CIMAP3: variants seen among roughly 807,000 people sequenced by gnomAD.
The protein encoded by CIMAP3 is ciliary microtubule-associated protein 3.
the CIMAP3 span, among the ~76,000 whole-genome samples, chr1:111,341,408 A>G: frequency 1.3e-5 from 2 of 152,212 alleles, no homozygotes; most frequent in Non-Finnish European, 2.9e-5. Context: ...GTATTGAGAA[A>G]ATATCAGATA....
chr1:111,335,154 GAC>G, the CIMAP3 span, among the ~76,000 whole-genome samples: 4 of 51,192 alleles, frequency 7.8e-5, no homozygotes, highest in Non-Finnish European at 1.9e-4. Context: ...AAAAAAAAAA[GAC>G]AGAAAAAAAA....
chr1:111,333,428 C>T, the CIMAP3 span, among the ~76,000 whole-genome samples: 1 of 152,180 alleles, frequency 6.6e-6, no homozygotes, highest in African/African-American at 2.4e-5. Context: ...GCTGCAGCAG[C>T]TTGGCTGATA....
the CIMAP3 span, among the ~76,000 whole-genome samples, chr1:111,331,482 T>C: frequency 6.6e-6 from 1 of 152,204 alleles, no homozygotes; most frequent in East Asian, 1.9e-4. Context: ...CAGTCTGTTG[T>C]TGAATCTCTT....
At chr1:111,330,767 T>C in the CIMAP3 span, among the ~76,000 whole-genome samples, 1,198 of 152,196 alleles carry the variant, frequency 7.9e-3, 15 homozygotes, top group African/African-American at 0.027. Flanking sequence ...TACTTGCTTG[T>C]CTCCTGGGGG....
the CIMAP3 span, among the ~76,000 whole-genome samples, chr1:111,341,081 A>C: frequency 6.6e-6 from 1 of 151,406 alleles, no homozygotes; most frequent in Non-Finnish European, 1.5e-5. Flanking sequence ...ATTGGAAATC[A>C]TCATTCTCAG....
the CIMAP3 span, among the ~76,000 whole-genome samples, chr1:111,341,037 A>G: frequency 6.6e-6 from 1 of 151,022 alleles, no homozygotes; most frequent in South Asian, 2.1e-4. Context: ...ATAAAAAATG[A>G]TGAGTTCATG....
At chr1:111,339,543 C>T in the CIMAP3 span, among the ~76,000 whole-genome samples, 3 of 151,440 alleles carry the variant, frequency 2.0e-5, no homozygotes, top group Non-Finnish European at 4.4e-5. Flanking sequence ...AAATCACAAG[C>T]ATTCTTATAC....
the CIMAP3 span, chr1:111,350,373 T>A: frequency 1.6e-6 from 1 of 635,740 alleles, no homozygotes; most frequent in African/African-American, 1.8e-5. Context: ...TATATGAATC[T>A]GAGGAACTTT....
At chr1:111,330,302 ATC>A in the CIMAP3 span, among the ~76,000 whole-genome samples, 1 of 152,126 alleles carries the variant, frequency 6.6e-6, no homozygotes, top group Non-Finnish European at 1.5e-5. Flanking sequence ...GTTCTTTCTC[ATC>A]TCTGACTGTG....
At chr1:111,333,780 A>C in the CIMAP3 span, among the ~76,000 whole-genome samples, 65,544 of 151,966 alleles carry the variant, frequency 0.43, 14,709 homozygotes, top group South Asian at 0.52. Flanking sequence ...GTCAAATCTT[A>C]GCTGTTTATT....
the CIMAP3 span, among the ~76,000 whole-genome samples, chr1:111,326,511 G>A: frequency 1.1e-4 from 16 of 152,124 alleles, no homozygotes; most frequent in African/African-American, 3.9e-4. Flanking sequence ...GTATTTCATT[G>A]GGTATATATA....
At chr1:111,348,507 T>C in the CIMAP3 span, 1 of 1,591,880 alleles carries the variant, frequency 6.3e-7, no homozygotes, top group South Asian at 1.2e-5. Flanking sequence ...ATCTTTTTCT[T>C]GGAAACAGGA....
the CIMAP3 span, among the ~76,000 whole-genome samples, chr1:111,334,898 T>C: frequency 6.6e-6 from 1 of 150,560 alleles, no homozygotes; most frequent in African/African-American, 2.4e-5. Context: ...AAGGCTGAGG[T>C]TGGCAGATCA....
At chr1:111,341,962 G>T in the CIMAP3 span, among the ~76,000 whole-genome samples, 1 of 152,018 alleles carries the variant, frequency 6.6e-6, no homozygotes, top group African/African-American at 2.4e-5. Flanking sequence ...AAGAATTATT[G>T]GTGTTCAAGA....
chr1:111,352,873 G>C, the CIMAP3 span: 2 of 152,078 alleles, frequency 1.3e-5, no homozygotes, highest in African/African-American at 4.8e-5. Flanking sequence ...GACGCTCAAA[G>C]CTTTTCCCAG....
chr1:111,330,591 C>T, the CIMAP3 span, among the ~76,000 whole-genome samples: 9 of 152,222 alleles, frequency 5.9e-5, no homozygotes, highest in African/African-American at 2.2e-4. Flanking sequence ...TTTTTCAATG[C>T]TCTGAAATTG....
the CIMAP3 span, among the ~76,000 whole-genome samples, chr1:111,332,557 A>G: frequency 3.8e-3 from 584 of 152,132 alleles, 2 homozygotes; most frequent in African/African-American, 0.013. Flanking sequence ...GGACTGCTCA[A>G]CTGGCCTAGG....
the CIMAP3 span, among the ~76,000 whole-genome samples, chr1:111,327,730 A>C: frequency 5.3e-5 from 8 of 151,716 alleles, no homozygotes; most frequent in Non-Finnish European, 7.4e-5. Flanking sequence ...AATTGTATTC[A>C]TTTGGATCCT....
chr1:111,347,461 C>T, the CIMAP3 span, among the ~76,000 whole-genome samples: 1 of 152,134 alleles, frequency 6.6e-6, no homozygotes, highest in Non-Finnish European at 1.5e-5. Context: ...CACCCCTCTA[C>T]AAAGTTACCT....
Sources: gnomAD v4.1 joint callset for allele counts (sites outside exome capture counted in the v4.1 genomes callset) on GRCh38, gnomAD v4.1.1 for gene constraint, MANE v1.5 for transcripts, NCBI Gene and HGNC (gene_info 2026-07-23, HGNC 2026-07-21) for gene names.